The following TMEM45A variants were observed in gnomAD, a reference collection of about 807,000 sequenced individuals.
TMEM45A encodes the protein DNA polymerase-transactivated protein 4.
In TMEM45A, 25 loss-of-function variants were observed where a neutral mutation model predicts 32.0. The observed-to-expected ratio is 0.78, with a 90% confidence interval of 0.57 to 1.09. The LOEUF is 1.09. TMEM45A is among the 50% of genes least tolerant of loss of function. TMEM45A has a pLI of 0.00. For missense variants in TMEM45A, 302 were observed against 325.0 expected, an observed-to-expected ratio of 0.93 and a Z score of 0.54; for synonymous variants, 122 against 114.8, an observed-to-expected ratio of 1.06 and a Z score of -0.40.
In TMEM45A at chr3:100,558,600, G is replaced by A. The variant is rs747664567; in HGVS notation, c.588+11G>A. The A allele has an allele frequency of 3.7e-6, 6 of 1,612,496 alleles. No individual in the cohort carries two copies. Among genetic ancestry groups the A allele is most frequent in the African/African-American group, 2.7e-5 (2 of 74,886 alleles). On this transcript the variant is annotated intron_variant, in intron 4 of 5. Transcript: ENST00000323523. ...AGCTGGTTCTTTCAGGTGAGTTGGG[G>A]CCTCTAGTTAATGTACCTGGACTCT...
chr3:100,520,605 G>T (rs1017484042), intron 1 of TMEM45A, among the ~76,000 whole-genome samples: 1 of 152,092 alleles, frequency 6.6e-6, no homozygotes, highest in Non-Finnish European at 1.5e-5. Flanking sequence ...AGCCCCTCTT[G>T]TACGCCCCAC....
chr3:100,493,471 A>G (rs1051499284), intron 1 of TMEM45A, among the ~76,000 whole-genome samples: 4 of 151,930 alleles, frequency 2.6e-5, no homozygotes, highest in Admixed American at 6.6e-5. Flanking sequence ...AGCCAAATAT[A>G]TATCTTTTCG....
chr3:100,561,831 C>A (rs1172128318), intron 4 of TMEM45A, among the ~76,000 whole-genome samples: 1 of 152,168 alleles, frequency 6.6e-6, no homozygotes, highest in African/African-American at 2.4e-5. Context: ...CTCCCAGCTC[C>A]ACTAGTCCCC....
intron 1 of TMEM45A, among the ~76,000 whole-genome samples, chr3:100,506,486 T>A (rs1377948613): frequency 1.3e-5 from 2 of 152,194 alleles, no homozygotes; most frequent in Non-Finnish European, 2.9e-5. Context: ...CCATGCACAT[T>A]TTTGTACCCT....
intron 1 of TMEM45A, among the ~76,000 whole-genome samples, chr3:100,502,459 T>C (rs552066773): frequency 6.6e-6 from 1 of 152,270 alleles, no homozygotes; most frequent in South Asian, 2.1e-4. Context: ...TATCTGTGTA[T>C]CTATCGATCT....
chr3:100,564,034 A>T (rs1706380960), intron 4 of TMEM45A, among the ~76,000 whole-genome samples: 1 of 152,188 alleles, frequency 6.6e-6, no homozygotes, highest in African/African-American at 2.4e-5. Context: ...CAGTGATGCA[A>T]ATGTTTTTGC....
intron 1 of TMEM45A, among the ~76,000 whole-genome samples, chr3:100,514,889 C>G (rs559226257): frequency 4.0e-5 from 6 of 149,282 alleles, no homozygotes; most frequent in Non-Finnish European, 8.9e-5. Context: ...CTCACCATCA[C>G]TGGCCATCAG....
chr3:100,516,356 G>A (rs1708261501), intron 1 of TMEM45A, among the ~76,000 whole-genome samples: 1 of 152,180 alleles, frequency 6.6e-6, no homozygotes, highest in Non-Finnish European at 1.5e-5. Context: ...AGTGACTTAT[G>A]TTTTGTGGTG....
intron 1 of TMEM45A, chr3:100,519,371 GTGTGTGTGTGTGTGCA>G (rs1281918425): frequency 5.1e-6 from 2 of 389,222 alleles, no homozygotes; most frequent in Non-Finnish European, 9.1e-6. Flanking sequence ...CATACAGGTT[GTGTGTGTGTGTGTGCA>G]TGTGTGTGTG....
At chr3:100,500,239 T>C (rs1020044342) in intron 1 of TMEM45A, among the ~76,000 whole-genome samples, 1 of 152,202 alleles carries the variant, frequency 6.6e-6, no homozygotes, top group Non-Finnish European at 1.5e-5. Flanking sequence ...TTATGCATTG[T>C]TCAGACCTTG....
At position 100,558,465 on chromosome 3, in the gene TMEM45A, T is replaced by G. The variant is rs752743932; in HGVS notation, c.464T>G (p.Leu155Arg). The G allele has an allele frequency of 6.2e-7, 1 of 1,614,112 alleles. No homozygotes were observed. ...REMLDIFVHQ[L>R]LVLVVFLTGL... ...ATGCTGGACATCTTTGTGCACCAGC[T>G]GCTGGTTTTGGTCGTCTTTCTGACA... is the stretch of plus-strand genomic sequence containing the variant. The change falls in exon 4 of 6, where the codon CTG becomes CGG. Residue 155 changes from leucine to arginine, a missense_variant. By Grantham distance (102) the Leu-to-Arg change is moderately radical. Coordinates refer to ENST00000323523, the MANE Select transcript of TMEM45A (RefSeq NM_018004.3).
At chr3:100,576,395 A>G (rs1706686567) in intron 5 of TMEM45A, among the ~76,000 whole-genome samples, 1 of 152,152 alleles carries the variant, frequency 6.6e-6, no homozygotes, top group Non-Finnish European at 1.5e-5. Context: ...GGTTGCAGTG[A>G]GCTGAGATTG....
intron 1 of TMEM45A, among the ~76,000 whole-genome samples, chr3:100,506,895 G>A (rs554586647): frequency 6.6e-6 from 1 of 152,312 alleles, no homozygotes; most frequent in African/African-American, 2.4e-5. Flanking sequence ...GCTAAGCCAA[G>A]TTCTAGAACC....
intron 1 of TMEM45A, among the ~76,000 whole-genome samples, chr3:100,532,435 A>C (rs564122146): frequency 1.3e-5 from 2 of 152,376 alleles, no homozygotes; most frequent in East Asian, 3.9e-4. Flanking sequence ...TAATGTACTT[A>C]ACAGATCATT....
chr3:100,519,426 A>G, intron 1 of TMEM45A: 1 of 702,142 alleles, frequency 1.4e-6, no homozygotes, highest in East Asian at 2.7e-5. Flanking sequence ...TGACTGTAAG[A>G]TGTCAAGTTT....
intron 1 of TMEM45A, among the ~76,000 whole-genome samples, chr3:100,527,296 C>T (rs1227502196): frequency 6.6e-6 from 1 of 152,156 alleles, no homozygotes; most frequent in Non-Finnish European, 1.5e-5. Flanking sequence ...GATGACAAGA[C>T]AAGAAACAAA....
intron 1 of TMEM45A, among the ~76,000 whole-genome samples, chr3:100,496,262 T>C (rs1707925359): frequency 6.6e-6 from 1 of 152,232 alleles, no homozygotes; most frequent in Non-Finnish European, 1.5e-5. Flanking sequence ...ATTTGATACA[T>C]CTGCGACTAA....
chr3:100,543,468 G>A (rs1379225329), intron 1 of TMEM45A, among the ~76,000 whole-genome samples: 1 of 152,138 alleles, frequency 6.6e-6, no homozygotes, highest in African/African-American at 2.4e-5. Flanking sequence ...TGCACTTTTA[G>A]TAGTGTATGA....
chr3:100,536,860 C>G (rs1705750423), intron 1 of TMEM45A, among the ~76,000 whole-genome samples: 1 of 152,170 alleles, frequency 6.6e-6, no homozygotes, highest in South Asian at 2.1e-4. Context: ...CCAGCCTGTC[C>G]CAAGGTGAAA....
Sources: gnomAD v4.1 joint callset for allele counts (sites outside exome capture counted in the v4.1 genomes callset) on GRCh38, gnomAD v4.1.1 for gene constraint, MANE v1.5 for transcripts, NCBI Gene and HGNC (gene_info 2026-07-23, HGNC 2026-07-21) for gene names.